The following CPLANE1 variants were observed in gnomAD, a reference collection of about 807,000 sequenced individuals.
CPLANE1 encodes ciliogenesis and planar polarity effector 1.
A neutral mutation model predicts 362.5 loss-of-function variants in CPLANE1; 263 were observed. That is an observed-to-expected ratio of 0.73 (90% CI 0.66 to 0.80). The LOEUF (loss-of-function observed/expected upper bound fraction) is 0.80. Ranked by LOEUF, CPLANE1 falls within the 30% of genes least tolerant of loss-of-function variation. CPLANE1 has a pLI of 0.00. For missense variants in CPLANE1, 3,461 were observed against 3,793.4 expected (o/e 0.91, Z 2.30); for synonymous variants, 1,212 against 1,302.6 (o/e 0.93, Z 1.50).
At chr5:37,184,664 A>G in intron 25 of CPLANE1, 124 bp downstream of exon 25, 1 of 725,664 alleles carries the variant, frequency 1.4e-6, no homozygotes, top group South Asian at 1.9e-5. Flanking sequence ...GGTGGCACTT[A>G]TCATTCATAT....
At chr5:37,160,960 C>T (rs990400276) in intron 38 of CPLANE1, among the ~76,000 whole-genome samples, 2 of 152,122 alleles carry the variant, frequency 1.3e-5, no homozygotes, top group Non-Finnish European at 2.9e-5. Context: ...CGTGAGCCAC[C>T]GCGCCCAGCC....
chr5:37,245,460 CAAAT>C lies in CPLANE1; in HGVS notation c.337+15_337+18del, dbSNP rs1739338215. On this transcript the variant is annotated intron_variant, in intron 4 of 52. Coordinates refer to ENST00000651892, the MANE Select transcript of CPLANE1 (RefSeq NM_001384732.1). The stretch of plus-strand genomic sequence containing the variant: ...TTTTTCCTAGTTAAACCAACTTAAA[CAAAT>C]AAAAAAATTCCCACCGACTGTAGCT... 6.3e-6 allele frequency: 9 copies of C among 1,429,534 alleles called. No individual in the cohort carries two copies. The highest frequency in any genetic ancestry group is 8.3e-6 in the Non-Finnish European group (9 of 1,086,474). 88.6% of individuals were successfully genotyped at this position (1,429,534 alleles called of 1,614,324 possible).
At chr5:37,135,150 G>A (rs1054656679) in intron 46 of CPLANE1, among the ~76,000 whole-genome samples, 1 of 152,078 alleles carries the variant, frequency 6.6e-6, no homozygotes, top group Non-Finnish European at 1.5e-5. Flanking sequence ...GGTATGTTGT[G>A]TCTTCGTTTT....
At chr5:37,139,233 A>T in intron 45 of CPLANE1, 107 bp downstream of exon 45, 1 of 1,123,486 alleles carries the variant, frequency 8.9e-7, no homozygotes, top group Non-Finnish European at 1.2e-6. Flanking sequence ...ATTCCTTTAA[A>T]CCACAAAGAT....
chr5:37,089,140 G>T, the CPLANE1 span, among the ~76,000 whole-genome samples: 1 of 152,164 alleles, frequency 6.6e-6, no homozygotes, highest in African/African-American at 2.4e-5. Context: ...ACTGGGCACA[G>T]GGGCAGACAT....
At chr5:37,121,009 A>G (rs1032815999) in intron 49 of CPLANE1, among the ~76,000 whole-genome samples, 1 of 152,228 alleles carries the variant, frequency 6.6e-6, no homozygotes, top group Non-Finnish European at 1.5e-5. Flanking sequence ...TGTTCACCCT[A>G]TGATCACCAA....
chr5:37,191,224 T>C (rs1785463244), intron 21 of CPLANE1, among the ~76,000 whole-genome samples: 1 of 152,122 alleles, frequency 6.6e-6, no homozygotes, highest in Non-Finnish European at 1.5e-5. Flanking sequence ...AAAATAAACT[T>C]TAAAATTTTT....
rs1174477022 is a variant in CPLANE1 at position 37,226,900 on chromosome 5, G to T, written c.1695C>A (p.Thr565=). The stretch of plus-strand genomic sequence containing the variant: ...TCTGGATAGAATGCAGTTCTGTAAT[G>T]GTTCTATCTGTCTCCTCACTATCAT... The part of the protein sequence containing the change: ...AKDDSEETDR[T]ITELHSIQKS... The change falls in exon 12 of 53, where the codon ACC becomes ACA. Residue 565 remains threonine, a synonymous_variant. Transcript: ENST00000651892. 1 of 1,551,656 alleles carries T rather than the reference G, an allele frequency of 6.4e-7. No homozygotes were observed. Among genetic ancestry groups the T allele is most frequent in the East Asian group, 2.4e-5 (1 of 40,876 alleles).
chr5:37,222,404 T>C (rs1795551490), intron 14 of CPLANE1, among the ~76,000 whole-genome samples: 1 of 152,090 alleles, frequency 6.6e-6, no homozygotes, highest in African/African-American at 2.4e-5. Context: ...GGCCTTAAGA[T>C]TGGAAGCAAT....
intron 43 of CPLANE1, among the ~76,000 whole-genome samples, chr5:37,143,437 C>T (rs1580124023): frequency 6.6e-6 from 1 of 152,228 alleles, no homozygotes; most frequent in African/African-American, 2.4e-5. Flanking sequence ...CAGGACACAA[C>T]ATCCAAAGAG....
rs182291517 is a variant in CPLANE1 at position 37,160,294 on chromosome 5, C to A, written c.7691-1949G>T. Reference sequence around the variant, plus strand: ...CTCAGTTCCGATGTGGTGGTTCAAGCCTGTAATCCCAGCACTTTGGGAGGC... The same window carrying A: ...CTCAGTTCCGATGTGGTGGTTCAAGACTGTAATCCCAGCACTTTGGGAGGC... On this transcript the variant is annotated intron_variant, in intron 38 of 52. Coordinates refer to ENST00000651892, the MANE Select transcript of CPLANE1 (RefSeq NM_001384732.1). Among the ~76,000 whole-genome samples, 635 of 152,226 alleles carry A rather than the reference C, an allele frequency of 4.2e-3. 3 individuals are homozygous for A. Among genetic ancestry groups the A allele is most frequent in the Middle Eastern group, 6.8e-3 (2 of 294 alleles).
chr5:37,203,203 T>C (rs576622902), intron 18 of CPLANE1, among the ~76,000 whole-genome samples: 104 of 152,338 alleles, frequency 6.8e-4, no homozygotes, highest in Non-Finnish European at 8.8e-5. Context: ...ATTCCCTGTT[T>C]ATTCTCAGGC....
the CPLANE1 span, among the ~76,000 whole-genome samples, chr5:37,081,253 T>C: frequency 6.6e-5 from 10 of 152,216 alleles, no homozygotes; most frequent in Non-Finnish European, 1.2e-4. Flanking sequence ...CCAAAGACTT[T>C]AAAGCAGCTA....
At chr5:37,080,639 A>G in the CPLANE1 span, among the ~76,000 whole-genome samples, 1 of 152,224 alleles carries the variant, frequency 6.6e-6, no homozygotes, top group Non-Finnish European at 1.5e-5. Context: ...GCCAGAAAGC[A>G]GTAGCTACTA....
At chr5:37,095,066 C>T in the CPLANE1 span, among the ~76,000 whole-genome samples, 1 of 152,138 alleles carries the variant, frequency 6.6e-6, no homozygotes, top group African/African-American at 2.4e-5. Flanking sequence ...AGAAGGAACC[C>T]TCCTAAGTCT....
At chr5:37,210,616 T>C in intron 16 of CPLANE1, 3 of 1,598,476 alleles carry the variant, frequency 1.9e-6, no homozygotes, top group Middle Eastern at 1.7e-4. Context: ...GCCCAGTCTT[T>C]GGCAATAACA....
intron 18 of CPLANE1, among the ~76,000 whole-genome samples, chr5:37,204,895 G>A (rs1451406056): frequency 6.6e-6 from 1 of 152,218 alleles, no homozygotes; most frequent in African/African-American, 2.4e-5. Flanking sequence ...AGTGGCTCAT[G>A]CCTGTAATCC....
At chr5:37,201,328 A>G (rs1048846596) in intron 19 of CPLANE1, among the ~76,000 whole-genome samples, 3 of 152,158 alleles carry the variant, frequency 2.0e-5, no homozygotes, top group Non-Finnish European at 4.4e-5. Flanking sequence ...GTCCTGAGCT[A>G]GAAGATTTTA....
chr5:37,101,968 G>T (rs1040448358), downstream of CPLANE1, among the ~76,000 whole-genome samples: 1 of 150,272 alleles, frequency 6.7e-6, no homozygotes, highest in African/African-American at 2.4e-5. Context: ...ATTTCTGATT[G>T]TATCTGGTTC....
Sources: allele counts gnomAD v4.1 joint callset (sites outside exome capture counted in the v4.1 genomes callset), GRCh38; gene constraint gnomAD v4.1.1; transcripts MANE v1.5; gene names NCBI Gene and HGNC (gene_info 2026-07-23, HGNC 2026-07-21).